Variants in RERE observed in about 807,000 individuals in gnomAD.
RERE encodes arginine-glutamic acid dipeptide repeats.
Under a neutral mutation model 146.1 loss-of-function variants are expected in RERE, and 40 were observed. The ratio of observed to expected loss-of-function variants is 0.27; its 90% CI spans 0.21 to 0.36. The LOEUF is 0.36. Among genes scored for constraint, RERE ranks in the 10% least tolerant of loss-of-function variants. The pLI is 1.00. For missense variants in RERE, 1,933 were observed against 2,138.7 expected (o/e 0.90, Z 1.90); for synonymous variants, 1,003 against 866.0 (o/e 1.16, Z -2.78).
chr1:8,356,145 C>A lies in RERE; in HGVS notation c.4441G>T (p.Gly1481Ter). The A allele has an allele frequency of 6.6e-7, 1 of 1,511,590 alleles. No homozygotes were observed. Among genetic ancestry groups the A allele is most frequent in the Non-Finnish European group, 8.8e-7 (1 of 1,134,732 alleles). The allele number at this position is 1,511,590 out of a possible 1,614,324, so 93.6% of individuals were successfully genotyped here. A position where few individuals can be genotyped will look rare whatever the true frequency, so the allele number is the denominator to read the frequency against. The change falls in exon 21 of 23, where the codon GGA becomes TGA. Residue 1481 changes from glycine to a stop codon, truncating the protein, a stop_gained. Coordinates refer to ENST00000400908, the MANE Select transcript of RERE (RefSeq NM_001042681.2). LOFTEE classifies it high-confidence loss of function. The surrounding 1 kb of genome is among the most constrained non-coding windows in gnomAD (Gnocchi z 5.2). ...PPGTLPNPLLGQPPHEHEMLR... is the reference protein window; with the variant it reads ...PPGTLPNPLL Reference sequence around the variant, plus strand: ...ATCTCGTGCTCGTGTGGGGGCTGTCCAAGCAGAGGGTTGGGGAGAGTGCCA... The same window carrying A: ...ATCTCGTGCTCGTGTGGGGGCTGTCAAAGCAGAGGGTTGGGGAGAGTGCCA...
At chr1:8,541,422 A>C in intron 6 of RERE, 104 bp from the exon 7 acceptor site, 1 of 648,272 alleles carries the variant, frequency 1.5e-6, no homozygotes, top group Non-Finnish European at 2.7e-6. Context: ...GTCCATGTGC[A>C]TGGAGAATCG....
chr1:8,568,984 C>T (rs1480613368), intron 4 of RERE, among the ~76,000 whole-genome samples: 1 of 152,074 alleles, frequency 6.6e-6, no homozygotes, highest in Non-Finnish European at 1.5e-5. Flanking sequence ...TTTGGCAAGA[C>T]GAAATTTCGC....
At chr1:8,653,957 T>C (rs1647778362) in intron 2 of RERE, among the ~76,000 whole-genome samples, 2 of 152,012 alleles carry the variant, frequency 1.3e-5, no homozygotes, top group African/African-American at 4.8e-5. Context: ...ACAAATACCT[T>C]CTCAGTTAAT....
intron 1 of RERE, among the ~76,000 whole-genome samples, chr1:8,807,855 C>T (rs1641719566): frequency 6.6e-6 from 1 of 152,100 alleles, no homozygotes; most frequent in Non-Finnish European, 1.5e-5. Flanking sequence ...CTTGACTAGT[C>T]CTGGAGCTTA....
chr1:8,770,121 T>C (rs893149128), intron 1 of RERE, among the ~76,000 whole-genome samples: 12 of 152,138 alleles, frequency 7.9e-5, no homozygotes, highest in African/African-American at 2.7e-4. Flanking sequence ...CACTAATATA[T>C]TGGAAATTTT....
At chr1:8,542,007 C>G (rs1645806404) in intron 6 of RERE, among the ~76,000 whole-genome samples, 1 of 152,106 alleles carries the variant, frequency 6.6e-6, no homozygotes, top group Admixed American at 6.5e-5. Context: ...TAAAGTTAAA[C>G]CAACCTGTAG....
At chr1:8,773,351 A>G (rs545211908) in intron 1 of RERE, among the ~76,000 whole-genome samples, 39 of 152,324 alleles carry the variant, frequency 2.6e-4, no homozygotes, top group African/African-American at 8.9e-4. Flanking sequence ...AATCATAACC[A>G]GATGATATGT....
At chr1:8,355,662 G>A in intron 21 of RERE, 63 bp from the exon 22 acceptor site, 7 of 1,401,330 alleles carry the variant, frequency 5.0e-6, no homozygotes, top group East Asian at 2.4e-5. Flanking sequence ...GACCAGGGCG[G>A]CACAGGCACA....
At chr1:8,520,600 T>C (rs1056767715) in intron 7 of RERE, among the ~76,000 whole-genome samples, 11 of 152,108 alleles carry the variant, frequency 7.2e-5, no homozygotes, top group Non-Finnish European at 1.6e-4. Context: ...TTCTCCATTA[T>C]GTGGTAACCT....
At chr1:8,398,541 G>C (rs903160293) in intron 12 of RERE, among the ~76,000 whole-genome samples, 1 of 152,140 alleles carries the variant, frequency 6.6e-6, no homozygotes, top group Non-Finnish European at 1.5e-5. Flanking sequence ...TAATCACGTA[G>C]TGCTTCTAAC....
intron 12 of RERE, among the ~76,000 whole-genome samples, chr1:8,382,651 C>T (rs1384878289): frequency 6.6e-6 from 1 of 152,024 alleles, no homozygotes. Flanking sequence ...AATGGATGCC[C>T]GGCTTCTGAG....
intron 2 of RERE, among the ~76,000 whole-genome samples, chr1:8,638,201 G>A (rs1230816280): frequency 6.6e-6 from 1 of 152,038 alleles, no homozygotes; most frequent in Admixed American, 6.6e-5. Flanking sequence ...TTAAATAACA[G>A]GATTTACTAG....
chr1:8,360,222 C>T lies in RERE; in HGVS notation c.3285G>A (p.Glu1095=). The T allele has an allele frequency of 1.9e-6, 3 of 1,588,888 alleles. No individual in the cohort carries two copies. The highest frequency in any genetic ancestry group is 1.3e-5 in the African/African-American group (1 of 74,468). ...GCTCCTCAGCGTCGTCCAGAGCCTC[C>T]TCCTTGATCTGGACGGTGGGGAGTG... The part of the protein sequence containing the change: ...SCPLPTVQIK[E]EALDDAEEPE... Residue 1095 remains glutamate, a synonymous_variant, in exon 18 of 23, where the codon GAG becomes GAA. Transcript: ENST00000400908.
At chr1:8,361,715 C>T in intron 17 of RERE, 48 bp downstream of exon 17, 1 of 1,524,010 alleles carries the variant, frequency 6.6e-7, no homozygotes, top group Non-Finnish European at 9.1e-7. Flanking sequence ...CTGGGGGCTT[C>T]TGAAGAAGCA....
chr1:8,453,847 CTT>C (rs1644418692), intron 11 of RERE, among the ~76,000 whole-genome samples: 1 of 152,094 alleles, frequency 6.6e-6, no homozygotes, highest in Non-Finnish European at 1.5e-5. Context: ...CTAAAATTCT[CTT>C]TTAAAATTGG....
At chr1:8,521,456 A>C (rs955758342) in intron 7 of RERE, among the ~76,000 whole-genome samples, 1 of 152,198 alleles carries the variant, frequency 6.6e-6, no homozygotes, top group African/African-American at 2.4e-5. Flanking sequence ...AACCCAGGCA[A>C]CAAAGTGAGA....
At chr1:8,786,296 G>A in intron 1 of RERE, 1 of 932,006 alleles carries the variant, frequency 1.1e-6, no homozygotes, top group Middle Eastern at 2.9e-4. Context: ...CTATCTTGTG[G>A]AGAAAATAAT....
chr1:8,539,840 GAGAC>G (rs1294951920), intron 7 of RERE, among the ~76,000 whole-genome samples: 5 of 152,184 alleles, frequency 3.3e-5, no homozygotes, highest in East Asian at 3.9e-4. Context: ...GGAAGAGAGG[GAGAC>G]AGACAGACAG....
intron 6 of RERE, among the ~76,000 whole-genome samples, chr1:8,546,048 G>C (rs985542805): frequency 7.5e-6 from 1 of 133,302 alleles, no homozygotes; most frequent in Non-Finnish European, 1.5e-5. Context: ...GAAGTGCAGC[G>C]GTTTGATCTC....
Sources: gnomAD v4.1 joint callset for allele counts (sites outside exome capture counted in the v4.1 genomes callset) on GRCh38, gnomAD v4.1.1 for gene constraint, Gnocchi (gnomAD v3.1) non-coding constraint, MANE v1.5 for transcripts, NCBI Gene and HGNC (gene_info 2026-07-23, HGNC 2026-07-21) for gene names.